Variants in FGF19 observed in about 807,000 individuals in gnomAD.
FGF19 encodes FGF-19.
A neutral mutation model predicts 8.9 loss-of-function variants in FGF19; 5 were observed. The observed-to-expected ratio is 0.56, with a 90% CI of 0.29 to 1.18. The LOEUF (loss-of-function observed/expected upper bound fraction) is 1.18, where lower values mean the gene tolerates loss of function less well. FGF19 is among the 50% of genes most tolerant of loss of function. The pLI, the probability that FGF19 is intolerant of heterozygous loss-of-function variation, is 0.08. For synonymous variants in FGF19, 124 were observed against 128.0 expected (o/e 0.97, Z 0.21); for missense variants, 237 against 293.9 (o/e 0.81, Z 1.42).
Position 69,703,684 on chromosome 11 carries a change from C to T in FGF19, c.193G>A (p.Asp65Asn), listed in dbSNP as rs2119917837. ...CCCCGCGCGCAGTCCACGACGCCGT[C>T]GGCACGGATGCGCAGGAAGCAGCTG... ...LSSCFLRIRADGVVDCARGQS... is the reference protein window; with the variant it reads ...LSSCFLRIRANGVVDCARGQS... Residue 65 changes from aspartate to asparagine, a missense_variant, in exon 1 of 3, where the codon GAC becomes AAC. By Grantham distance (23) the Asp-to-Asn change is conservative. Transcript: ENST00000294312. The surrounding 1 kb of genome is among the most constrained non-coding windows in gnomAD (Gnocchi z 6.8). 3 of 1,232,530 alleles carry T rather than the reference C, an allele frequency of 2.4e-6. No homozygotes were observed. The highest frequency in any genetic ancestry group is 3.2e-5 in the East Asian group (1 of 31,606). The allele number at this position is 1,232,530 out of a possible 1,614,324, so 76.3% of individuals were successfully genotyped here.
rs533068764 is a variant in FGF19 at position 69,703,814 on chromosome 11, G to C, written c.63C>G (p.Ala21=). 8.1e-7 allele frequency: 1 copy of C among 1,236,096 alleles called. No individual in the cohort carries two copies. The highest frequency in any genetic ancestry group is 1.0e-6 in the Non-Finnish European group (1 of 989,990). The allele number at this position is 1,236,096 out of a possible 1,614,324, so 76.6% of individuals were successfully genotyped here. The part of the protein sequence containing the change: ...WILAGLWLAV[A]GRPLAFSDAG... Reference sequence around the variant, plus strand: ...CGTCCGAGAAGGCGAGGGGGCGCCCGGCCACGGCCAGCCAGAGGCCGGCCA... The same window carrying C: ...CGTCCGAGAAGGCGAGGGGGCGCCCCGCCACGGCCAGCCAGAGGCCGGCCA... The change falls in exon 1 of 3, where the codon GCC becomes GCG. Residue 21 remains alanine, a synonymous_variant. Coordinates refer to ENST00000294312, the MANE Select transcript of FGF19 (RefSeq NM_005117.3). The surrounding 1 kb of genome is among the most constrained non-coding windows in gnomAD (Gnocchi z 6.8).
chr11:69,703,992 A>C lies in FGF19; in HGVS notation c.-116T>G. The C allele has an allele frequency of 3.4e-6, 2 of 583,016 alleles. No individual in the cohort carries two copies. Among genetic ancestry groups the C allele is most frequent in the Non-Finnish European group, 5.1e-6 (2 of 394,448 alleles). 36.1% of individuals were successfully genotyped at this position (583,016 alleles called of 1,614,324 possible). On this transcript the variant is annotated 5_prime_UTR_variant, in exon 1 of 3. Transcript: ENST00000294312. This position sits in a 1 kb window ranked among gnomAD's most constrained non-coding sequence, Gnocchi z 6.8. ...CGGGTTGGGATGGTCGTGGCCCTAG[A>C]TCCTGGACGCAGCGCTCCTGCTCTG...
chr11:69,701,636 C>T (rs1388906311), intron 2 of FGF19, among the ~76,000 whole-genome samples: 1 of 141,672 alleles, frequency 7.1e-6, no homozygotes, highest in African/African-American at 2.6e-5. Flanking sequence ...AAAAGATCCT[C>T]AATTTCTGTT....
At position 69,703,627 on chromosome 11, in the gene FGF19, G is replaced by C. The variant is rs1455211032; in HGVS notation, c.232+18C>G. On this transcript the variant is annotated intron_variant, in intron 1 of 2. Coordinates refer to ENST00000294312, the MANE Select transcript of FGF19 (RefSeq NM_005117.3). The surrounding 1 kb of genome is among the most constrained non-coding windows in gnomAD (Gnocchi z 6.8). Reference sequence around the variant, plus strand: ...GGTGCGCGCGGCGGGGCGGGCGGGGGTGCTGGCGGGCACTCACTGTGCGCG... The same window carrying C: ...GGTGCGCGCGGCGGGGCGGGCGGGGCTGCTGGCGGGCACTCACTGTGCGCG... 2.0e-5 allele frequency: 24 copies of C among 1,186,088 alleles called. No individual in the cohort carries two copies. The highest frequency in any genetic ancestry group is 2.4e-5 in the Non-Finnish European group (23 of 946,864). 73.5% of individuals were successfully genotyped at this position (1,186,088 alleles called of 1,614,324 possible).
chr11:69,703,649 C>A lies in FGF19; in HGVS notation c.228G>T (p.Ala76=), dbSNP rs930040226. 8.1e-6 allele frequency: 10 copies of A among 1,231,530 alleles called. No homozygotes were observed. In the African/African-American group the frequency reaches 1.2e-4, roughly 15 times the overall value. 76.3% of individuals were successfully genotyped at this position (1,231,530 alleles called of 1,614,324 possible). ...GGGGTGCTGGCGGGCACTCACTGTG[C>A]GCGCTCTGGCCCCGCGCGCAGTCCA... ...GVVDCARGQS[A]HSLLEIKAVA... The change falls in exon 1 of 3, where the codon GCG becomes GCT. Residue 76 remains alanine, a synonymous_variant. Coordinates refer to ENST00000294312, the MANE Select transcript of FGF19 (RefSeq NM_005117.3). The surrounding 1 kb of genome is among the most constrained non-coding windows in gnomAD (Gnocchi z 6.8).
At chr11:69,699,703 C>A (rs1854748136) in intron 2 of FGF19, 127 bp from the exon 3 acceptor site, 1 of 643,198 alleles carries the variant, frequency 1.6e-6, no homozygotes, top group Admixed American at 3.0e-5. Flanking sequence ...GCATCACTTG[C>A]ATGTTTTATA....
chr11:69,699,193 A>C lies in FGF19; in HGVS notation c.*69T>G, dbSNP rs570500898. On this transcript the variant is annotated 3_prime_UTR_variant, in exon 3 of 3. Transcript: ENST00000294312. Reference sequence around the variant, plus strand: ...CGTGGACTCAGGACTGTTCTTGTAGAAGCACGTCCCCCACGCTGCAGGTAC... The same window carrying C: ...CGTGGACTCAGGACTGTTCTTGTAGCAGCACGTCCCCCACGCTGCAGGTAC... 2 of 1,136,420 alleles carry C rather than the reference A, an allele frequency of 1.8e-6. No homozygotes were observed. Among genetic ancestry groups the C allele is most frequent in the East Asian group, 4.9e-5 (2 of 41,066 alleles). 70.4% of individuals were successfully genotyped at this position (1,136,420 alleles called of 1,614,324 possible). A position where few individuals can be genotyped will look rare whatever the true frequency, so the allele number is the denominator to read the frequency against.
At position 69,698,590 on chromosome 11, in the gene FGF19, G is replaced by A. The variant is rs750570172; in HGVS notation, c.*672C>T. 7.2e-5 allele frequency: 14 copies of A among 193,764 alleles called. No homozygotes were observed. Among genetic ancestry groups the A allele is most frequent in the Admixed American group, 4.3e-4 (7 of 16,306 alleles). 12.0% of individuals were successfully genotyped at this position (193,764 alleles called of 1,614,324 possible). A position where few individuals can be genotyped will look rare whatever the true frequency, so the allele number is the denominator to read the frequency against. On this transcript the variant is annotated 3_prime_UTR_variant, in exon 3 of 3. Coordinates refer to ENST00000294312, the MANE Select transcript of FGF19 (RefSeq NM_005117.3). ...CTGGGAGATGGAAGCAGGTGACACC[G>A]GGACAGCAAGTTATTCTCAGGACAG...
chr11:69,700,203 A>T (rs937532905), intron 2 of FGF19, among the ~76,000 whole-genome samples: 11 of 152,244 alleles, frequency 7.2e-5, no homozygotes, highest in African/African-American at 2.6e-4. Context: ...GTTAATATAT[A>T]ACCCATTAAT....
Position 69,703,956 on chromosome 11 carries a change from G to C in FGF19, c.-80C>G. The stretch of plus-strand genomic sequence containing the variant: ...GGCGGCGACCGGGATGCGCTGCGGG[G>C]CTGTGAGTGCCGGGTTGGGATGGTC... On this transcript the variant is annotated 5_prime_UTR_variant, in exon 1 of 3. Coordinates refer to ENST00000294312, the MANE Select transcript of FGF19 (RefSeq NM_005117.3). This position sits in a 1 kb window ranked among gnomAD's most constrained non-coding sequence, Gnocchi z 6.8. The C allele has an allele frequency of 1.2e-6, 1 of 838,378 alleles. No individual in the cohort carries two copies. Among genetic ancestry groups the C allele is most frequent in the Non-Finnish European group, 1.6e-6 (1 of 625,038 alleles). The allele number at this position is 838,378 out of a possible 1,614,324, so 51.9% of individuals were successfully genotyped here.
chr11:69,699,815 G>A (rs528635438), intron 2 of FGF19, among the ~76,000 whole-genome samples: 5 of 152,186 alleles, frequency 3.3e-5, no homozygotes, highest in Non-Finnish European at 7.3e-5. Flanking sequence ...GCCAGGCACA[G>A]TAGGTCACAC....
chr11:69,698,925 A>G lies in FGF19; in HGVS notation c.*337T>C, dbSNP rs1854736432. On this transcript the variant is annotated 3_prime_UTR_variant, in exon 3 of 3. Transcript: ENST00000294312. ...AAAAATTAGAGAATTTCAGCTTGAC[A>G]TAAGAATTTTTCCAAAGGAAGTGAG... 3.7e-6 allele frequency: 1 copy of G among 273,816 alleles called. No individual in the cohort carries two copies. The highest frequency in any genetic ancestry group is 6.9e-6 in the Non-Finnish European group (1 of 144,068). The allele number at this position is 273,816 out of a possible 1,614,324, so 17.0% of individuals were successfully genotyped here.
chr11:69,702,303 G>A lies in FGF19; in HGVS notation c.336+958C>T, dbSNP rs372354107. On this transcript the variant is annotated intron_variant, in intron 2 of 2. Transcript: ENST00000294312. The surrounding 1 kb of genome is among the most constrained non-coding windows in gnomAD (Gnocchi z 4.6). ...TTGAGACTCTAAAATGCTTTGTCCC[G>A]CTGTTCACAAAGGAGCTGGTTGGGC... 2.0e-5 allele frequency among the ~76,000 whole-genome samples: 3 copies of A among 152,174 alleles called. No homozygotes were observed. Among genetic ancestry groups the A allele is most frequent in the Non-Finnish European group, 4.4e-5 (3 of 68,020 alleles).
At position 69,703,640 on chromosome 11, in the gene FGF19, C is replaced by T; in HGVS notation, c.232+5G>A. On this transcript the variant is annotated splice_donor_5th_base_variant and intron_variant, in intron 1 of 2. Transcript: ENST00000294312. This position sits in a 1 kb window ranked among gnomAD's most constrained non-coding sequence, Gnocchi z 6.8. ...GGGCGGGCGGGGGTGCTGGCGGGCACTCACTGTGCGCGCTCTGGCCCCGCG... is the reference window on the plus strand; with the variant it reads ...GGGCGGGCGGGGGTGCTGGCGGGCATTCACTGTGCGCGCTCTGGCCCCGCG... 1 of 1,226,262 alleles carries T rather than the reference C, an allele frequency of 8.2e-7. No homozygotes were observed. The highest frequency in any genetic ancestry group is 1.0e-6 in the Non-Finnish European group (1 of 982,980). The allele number at this position is 1,226,262 out of a possible 1,614,324, so 76.0% of individuals were successfully genotyped here.
In FGF19 at chr11:69,703,433, C is replaced by G. The variant is rs1351082721; in HGVS notation, c.233-69G>C. 6.3e-6 allele frequency: 8 copies of G among 1,263,136 alleles called. No homozygotes were observed. In the African/African-American group the frequency reaches 1.2e-4, roughly 19 times the overall value. The allele number at this position is 1,263,136 out of a possible 1,614,324, so 78.2% of individuals were successfully genotyped here. On this transcript the variant is annotated intron_variant, in intron 1 of 2. Transcript: ENST00000294312. The surrounding 1 kb of genome is among the most constrained non-coding windows in gnomAD (Gnocchi z 6.8). ...CCCGCACCACGTGGGTGCGGTCGGT[C>G]CACAAGCCTGTGCTTCTCCCTAGCG...
Position 69,698,960 on chromosome 11 carries a change from G to A in FGF19, c.*302C>T, listed in dbSNP as rs886878777. The A allele has an allele frequency of 9.5e-6, 3 of 314,676 alleles. No individual in the cohort carries two copies. Among genetic ancestry groups the A allele is most frequent in the South Asian group, 1.1e-4 (1 of 9,102 alleles). The allele number at this position is 314,676 out of a possible 1,614,324, so 19.5% of individuals were successfully genotyped here. ...TTCCAAAGGAAGTGAGTTCCCCATC[G>A]ATGGAGGTATTCAAGCAGAACTGAG... On this transcript the variant is annotated 3_prime_UTR_variant, in exon 3 of 3. Coordinates refer to ENST00000294312, the MANE Select transcript of FGF19 (RefSeq NM_005117.3).
In FGF19 at chr11:69,702,549, C is replaced by G. The variant is rs908945656; in HGVS notation, c.336+712G>C. On this transcript the variant is annotated intron_variant, in intron 2 of 2. Coordinates refer to ENST00000294312, the MANE Select transcript of FGF19 (RefSeq NM_005117.3). This position sits in a 1 kb window ranked among gnomAD's most constrained non-coding sequence, Gnocchi z 4.6. ...TTGTTCCCGGCCACCAGAGCCCCAG[C>G]GCTCGTACACTTCCGGCCCCGGGAC... 6.6e-6 allele frequency among the ~76,000 whole-genome samples: 1 copy of G among 152,056 alleles called. No homozygotes were observed. Among genetic ancestry groups the G allele is most frequent in the Non-Finnish European group, 1.5e-5 (1 of 68,006 alleles).
Position 69,701,205 on chromosome 11 carries a change from CCTT to C in FGF19, c.337-1632_337-1630del, listed in dbSNP as rs552808889. On this transcript the variant is annotated intron_variant, in intron 2 of 2. Coordinates refer to ENST00000294312, the MANE Select transcript of FGF19 (RefSeq NM_005117.3). ...AACACAAAACCGAATGATTGGAGGA[CCTT>C]CTTCTATTTACTTGGCTTGTCCTTT... is the stretch of plus-strand genomic sequence containing the variant. 2.2e-3 allele frequency among the ~76,000 whole-genome samples: 340 copies of C among 152,330 alleles called. 2 individuals carry two copies. The highest frequency in any genetic ancestry group is 3.6e-3 in the Non-Finnish European group (245 of 68,036).
chr11:69,703,198 C>T lies in FGF19; in HGVS notation c.336+63G>A, dbSNP rs903882310. On this transcript the variant is annotated intron_variant, in intron 2 of 2. Coordinates refer to ENST00000294312, the MANE Select transcript of FGF19 (RefSeq NM_005117.3). The surrounding 1 kb of genome is among the most constrained non-coding windows in gnomAD (Gnocchi z 6.8). ...AACCAGCGCCTTTCTCTCCTTCAGG[C>T]CTCCGCCCGGGGACAGGCGCCGGTC... The T allele has an allele frequency of 6.8e-6, 8 of 1,185,096 alleles. No homozygotes were observed. In the African/African-American group the frequency reaches 1.1e-4, roughly 16 times the overall value. 73.4% of individuals were successfully genotyped at this position (1,185,096 alleles called of 1,614,324 possible).
Sources: allele counts gnomAD v4.1 joint callset (sites outside exome capture counted in the v4.1 genomes callset), GRCh38; gene constraint gnomAD v4.1.1; non-coding constraint Gnocchi (gnomAD v3.1); transcripts MANE v1.5; gene names NCBI Gene and HGNC (gene_info 2026-07-23, HGNC 2026-07-21).